ARHGAP42: variants seen among roughly 807,000 people sequenced by gnomAD.
ARHGAP42 encodes the protein rho GTPase-activating protein 42.
Under a neutral mutation model 125.0 loss-of-function variants are expected in ARHGAP42, and 63 were observed. The observed-to-expected ratio is 0.50, with a 90% CI of 0.41 to 0.62. The LOEUF (loss-of-function observed/expected upper bound fraction) is 0.62, where lower values mean the gene tolerates loss of function less well. ARHGAP42 is among the 20% of genes least tolerant of loss of function. The probability of loss-of-function intolerance (pLI) is 0.00; values close to 1 mark genes in which losing one functional copy is unlikely to be tolerated. For missense variants in ARHGAP42, 766 were observed against 1,024.2 expected (o/e 0.75, Z 3.44); for synonymous variants, 339 against 351.0 (o/e 0.97, Z 0.38).
At chr11:100,969,977 C>G (rs578018001) in intron 17 of ARHGAP42, among the ~76,000 whole-genome samples, 2 of 151,780 alleles carry the variant, frequency 1.3e-5, no homozygotes, top group South Asian at 4.2e-4. Context: ...TTGTTGTTTG[C>G]TTGTTTGTTT....
intron 1 of ARHGAP42, among the ~76,000 whole-genome samples, chr11:100,760,722 TTAAAC>T (rs1862681546): frequency 6.7e-6 from 1 of 150,152 alleles, no homozygotes; most frequent in South Asian, 2.1e-4. Flanking sequence ...AAAAAGGAAA[TTAAAC>T]TAGTAATGAT....
intron 1 of ARHGAP42, among the ~76,000 whole-genome samples, chr11:100,739,637 T>A (rs1161145219): frequency 2.0e-5 from 3 of 152,322 alleles, no homozygotes; most frequent in Non-Finnish European, 4.4e-5. Flanking sequence ...GAAGGTATAA[T>A]TCTGTGTATC....
chr11:100,929,313 TCCTGC>T, intron 6 of ARHGAP42, among the ~76,000 whole-genome samples: 1 of 152,168 alleles, frequency 6.6e-6, no homozygotes, highest in Admixed American at 6.5e-5. Context: ...AGGTCTCACC[TCCTGC>T]CATGCAGTTG....
chr11:100,730,560 A>G (rs1861939008), intron 1 of ARHGAP42, among the ~76,000 whole-genome samples: 1 of 152,262 alleles, frequency 6.6e-6, no homozygotes, highest in South Asian at 2.1e-4. Context: ...CGCAAGGGCT[A>G]TCAGAATTGG....
intron 14 of ARHGAP42, 74 bp from the exon 15 acceptor site, chr11:100,961,610 G>A (rs1857957479): frequency 3.1e-6 from 4 of 1,292,326 alleles, no homozygotes; most frequent in Non-Finnish European, 4.3e-6. Context: ...ACTTACGTTT[G>A]TGCCCATTTT....
intron 3 of ARHGAP42, among the ~76,000 whole-genome samples, chr11:100,802,371 G>A (rs886396319): frequency 6.6e-6 from 1 of 151,330 alleles, no homozygotes; most frequent in Non-Finnish European, 1.5e-5. Context: ...GGAGGTGATA[G>A]TGCCTCCCCT....
intron 3 of ARHGAP42, among the ~76,000 whole-genome samples, chr11:100,854,103 A>G (rs765173683): frequency 1.3e-5 from 2 of 152,172 alleles, no homozygotes; most frequent in Non-Finnish European, 2.9e-5. Flanking sequence ...TAGTTTGAGT[A>G]ACTCGATCAA....
intron 8 of ARHGAP42, among the ~76,000 whole-genome samples, chr11:100,937,232 A>G (rs1450611062): frequency 6.6e-6 from 1 of 152,128 alleles, no homozygotes; most frequent in Non-Finnish European, 1.5e-5. Flanking sequence ...TCTCTCTCAT[A>G]ACTACCTACC....
intron 4 of ARHGAP42, among the ~76,000 whole-genome samples, chr11:100,885,553 G>A (rs771716273): frequency 8.5e-5 from 13 of 152,078 alleles, no homozygotes; most frequent in Non-Finnish European, 1.6e-4. Flanking sequence ...TTTTGACTAT[G>A]TGTCTGTATA....
chr11:100,968,528 A>C (rs1420115888), intron 17 of ARHGAP42, among the ~76,000 whole-genome samples: 1 of 152,184 alleles, frequency 6.6e-6, no homozygotes, highest in Non-Finnish European at 1.5e-5. Flanking sequence ...TATCATTAAT[A>C]AACATGTTAT....
chr11:100,891,111 C>T (rs1044130566), intron 4 of ARHGAP42, among the ~76,000 whole-genome samples: 9 of 152,108 alleles, frequency 5.9e-5, no homozygotes, highest in African/African-American at 1.7e-4. Context: ...GTGAGACAGA[C>T]GCAACCTTGA....
chr11:100,811,690 G>A (rs1199610381), intron 3 of ARHGAP42, among the ~76,000 whole-genome samples: 3 of 151,872 alleles, frequency 2.0e-5, no homozygotes, highest in African/African-American at 4.8e-5. Context: ...AATAGAGATG[G>A]GGTTTCATCA....
chr11:100,717,242 A>C (rs897353280), intron 1 of ARHGAP42, among the ~76,000 whole-genome samples: 1 of 152,290 alleles, frequency 6.6e-6, no homozygotes, highest in South Asian at 2.1e-4. Context: ...TATATATTCA[A>C]ATGTTCCAGT....
At chr11:100,911,721 G>A (rs1363452877) in intron 4 of ARHGAP42, among the ~76,000 whole-genome samples, 4 of 152,194 alleles carry the variant, frequency 2.6e-5, no homozygotes, top group South Asian at 2.1e-4. Flanking sequence ...GAGAGGACTA[G>A]CCTCTCTATC....
At chr11:100,919,640 A>G (rs1867178721) in intron 5 of ARHGAP42, among the ~76,000 whole-genome samples, 2 of 152,122 alleles carry the variant, frequency 1.3e-5, no homozygotes, top group Non-Finnish European at 2.9e-5. Flanking sequence ...GAGCTCAAGC[A>G]GTCCTCCCAC....
chr11:100,822,918 C>A (rs1373614172), intron 3 of ARHGAP42, among the ~76,000 whole-genome samples: 2 of 152,016 alleles, frequency 1.3e-5, no homozygotes, highest in Non-Finnish European at 2.9e-5. Flanking sequence ...GCTTTGTTAG[C>A]CAAAAGTGAG....
intron 4 of ARHGAP42, among the ~76,000 whole-genome samples, chr11:100,907,272 T>C (rs945601222): frequency 6.6e-6 from 1 of 152,226 alleles, no homozygotes; most frequent in Non-Finnish European, 1.5e-5. Context: ...ACACTTCGGG[T>C]TTCCTCTTTT....
At chr11:100,942,483 A>G (rs1271319659) in intron 9 of ARHGAP42, among the ~76,000 whole-genome samples, 1 of 152,200 alleles carries the variant, frequency 6.6e-6, no homozygotes, top group Non-Finnish European at 1.5e-5. Context: ...TGTCTGTGGC[A>G]TATAATCTTC....
rs1474002573 is a variant in ARHGAP42, at chr11:100,724,232, TGAG to T, written c.154+36404_154+36406del. ...TAGATTCGATTTGCTAGTATTTTGTTGAGGAGTTTTATTTCTATGTTCGTGGGA... is the reference window on the plus strand; with the variant it reads ...TAGATTCGATTTGCTAGTATTTTGTTGAGTTTTATTTCTATGTTCGTGGGA... On this transcript the variant is annotated intron_variant, in intron 1 of 23. Transcript: ENST00000298815. 2.6e-5 allele frequency among the ~76,000 whole-genome samples: 4 copies of T among 152,266 alleles called. No homozygotes were observed. In the South Asian group the frequency reaches 8.3e-4, roughly 32 times the overall value.
Sources: allele counts gnomAD v4.1 joint callset (sites outside exome capture counted in the v4.1 genomes callset), GRCh38; gene constraint gnomAD v4.1.1; transcripts MANE v1.5; gene names NCBI Gene and HGNC (gene_info 2026-07-23, HGNC 2026-07-21).